Variants in NT5DC3 observed in about 807,000 individuals in gnomAD.
The protein encoded by NT5DC3 is 5'-nucleotidase domain containing 3, also known as 5'-nucleotidase domain-containing protein 3.
In NT5DC3, 42 loss-of-function variants were observed where a neutral mutation model predicts 67.8. The ratio of observed to expected loss-of-function variants is 0.62; its 90% CI spans 0.48 to 0.80. NT5DC3 has a LOEUF of 0.80. Among genes scored for constraint, NT5DC3 ranks in the 30% least tolerant of loss-of-function variants. The pLI, the probability that NT5DC3 is intolerant of heterozygous loss-of-function variation, is 0.00. For synonymous variants in NT5DC3, 237 were observed against 255.6 expected (o/e 0.93, Z 0.69); for missense variants, 570 against 696.4 (o/e 0.82, Z 2.04).
chr12:103,780,226 T>C (rs1399378484), intron 13 of NT5DC3, 74 bp downstream of exon 13: 1 of 1,280,704 alleles, frequency 7.8e-7, no homozygotes, highest in African/African-American at 1.5e-5. Context: ...AGGCTGGCCC[T>C]GGGGAACACA....
Position 103,785,486 on chromosome 12 carries a change from A to G in NT5DC3, c.1189-11T>C, listed in dbSNP as rs751219781. On this transcript the variant is annotated splice_polypyrimidine_tract_variant and intron_variant, in intron 11 of 13. Coordinates refer to ENST00000392876, the MANE Select transcript of NT5DC3 (RefSeq NM_001031701.3). The stretch of plus-strand genomic sequence containing the variant: ...CTTTAGGGTCAAATCCTGATCACAA[A>G]GATCACGAAAAGTCAACGTCAGTCT... 3 of 1,613,788 alleles carry G rather than the reference A, an allele frequency of 1.9e-6. No individual in the cohort carries two copies. Among genetic ancestry groups the G allele is most frequent in the Non-Finnish European group, 2.5e-6 (3 of 1,179,810 alleles).
chr12:103,757,787 T>G, the NT5DC3 span: 1 of 226,418 alleles, frequency 4.4e-6, no homozygotes, highest in Non-Finnish European at 9.1e-6. Flanking sequence ...AGGCCTGGGG[T>G]CAGAGATGCA....
chr12:103,779,137 GT>G (rs955378704), intron 13 of NT5DC3, among the ~76,000 whole-genome samples: 1 of 152,310 alleles, frequency 6.6e-6, no homozygotes, highest in African/African-American at 2.4e-5. Flanking sequence ...ATTAAAGATT[GT>G]TTTATGTGAT....
At chr12:103,789,489 T>G (rs1032320543) in intron 9 of NT5DC3, among the ~76,000 whole-genome samples, 1 of 152,086 alleles carries the variant, frequency 6.6e-6, no homozygotes, top group African/African-American at 2.4e-5. Flanking sequence ...GAAAACACCA[T>G]GCACTAAACA....
chr12:103,832,353 CA>C (rs1887968969), intron 1 of NT5DC3, among the ~76,000 whole-genome samples: 1 of 152,032 alleles, frequency 6.6e-6, no homozygotes, highest in African/African-American at 2.4e-5. Flanking sequence ...GTCTTACCTC[CA>C]CATTTTAGGA....
chr12:103,756,182 C>T, the NT5DC3 span, among the ~76,000 whole-genome samples: 1 of 152,194 alleles, frequency 6.6e-6, no homozygotes, highest in African/African-American at 2.4e-5. Flanking sequence ...GCCAAATTAA[C>T]ATGGAGTCAA....
chr12:103,755,511 C>A, the NT5DC3 span: 1 of 1,609,538 alleles, frequency 6.2e-7, no homozygotes, highest in Non-Finnish European at 8.5e-7. Context: ...CACACAGCTG[C>A]TGAGCAATCC....
intron 11 of NT5DC3, among the ~76,000 whole-genome samples, chr12:103,786,681 A>ATTTTGTTTTTT (rs1885791298): frequency 7.6e-6 from 1 of 132,366 alleles, no homozygotes; most frequent in Admixed American, 8.0e-5. Flanking sequence ...CACTGGTTTG[A>ATTTTGTTTTTT]TTTTTTTTTT....
chr12:103,803,867 C>CCG (rs1555262145), intron 4 of NT5DC3, among the ~76,000 whole-genome samples: 4 of 127,918 alleles, frequency 3.1e-5, no homozygotes, highest in African/African-American at 8.0e-5. Flanking sequence ...CCACCCCCCC[C>CCG]CCAAAAAAAT....
In NT5DC3 at chr12:103,780,300, C is replaced by T. The variant is rs767823782; in HGVS notation, c.1394G>A (p.Arg465Gln). The T allele has an allele frequency of 3.1e-6, 5 of 1,613,406 alleles. No homozygotes were observed. Among genetic ancestry groups the T allele is most frequent in the East Asian group, 2.2e-5 (1 of 44,890 alleles). The part of the protein sequence containing the change: ...QEWKKERKEM[R>Q]EMTKSFFNAQ... ...CACATTCAATACAGGCCTCTCTTAC[C>T]GCATCTCCTTCCTTTCCTTTTTCCA... Residue 465 changes from arginine (R) to glutamine (Q), a missense_variant and splice_region_variant, in exon 13 of 14, where the codon CGA (arginine) becomes CAA (glutamine). Physicochemically the swap from Arg to Gln is conservative, Grantham distance 43 (BLOSUM62 1). This residue lies in a region of NT5DC3 where 466 missense variants were observed against 608.0 expected (regional missense o/e 0.77). Transcript: ENST00000392876.
At chr12:103,799,486 A>G (rs1487747019) in intron 4 of NT5DC3, among the ~76,000 whole-genome samples, 7 of 152,114 alleles carry the variant, frequency 4.6e-5, no homozygotes, top group Non-Finnish European at 1.0e-4. Context: ...CCACCATGTA[A>G]AGCATGCCTT....
At chr12:103,761,648 G>A in the NT5DC3 span, among the ~76,000 whole-genome samples, 2 of 152,126 alleles carry the variant, frequency 1.3e-5, no homozygotes, top group East Asian at 3.9e-4. Flanking sequence ...TGAATGAAAG[G>A]GGGAGGATGG....
At chr12:103,804,561 A>T (rs549096319) in intron 4 of NT5DC3, among the ~76,000 whole-genome samples, 11 of 152,158 alleles carry the variant, frequency 7.2e-5, no homozygotes, top group East Asian at 1.9e-4. Flanking sequence ...TTTTTTTTTT[A>T]AAAAGTGACA....
At chr12:103,838,838 G>A (rs1888258869) in intron 1 of NT5DC3, among the ~76,000 whole-genome samples, 1 of 151,642 alleles carries the variant, frequency 6.6e-6, no homozygotes, top group Non-Finnish European at 1.5e-5. Flanking sequence ...ATTATACTTG[G>A]TGAAAAAAAA....
At chr12:103,831,111 C>T (rs1887905846) in intron 1 of NT5DC3, among the ~76,000 whole-genome samples, 1 of 152,174 alleles carries the variant, frequency 6.6e-6, no homozygotes, top group Non-Finnish European at 1.5e-5. Context: ...CAAATCTCTC[C>T]TTGAATTGTA....
rs1378294435 is a variant in NT5DC3, at chr12:103,829,094, A to G, written c.208+11855T>C. On this transcript the variant is annotated intron_variant, in intron 1 of 13. Transcript: ENST00000392876. ...TGTTTTAAAACCTTTTGTAATTGGT[A>G]TATGCCTGCAATACTTGCTTTTTCC... Among the ~76,000 whole-genome samples the G allele has an allele frequency of 2.6e-5, 4 of 152,234 alleles. No homozygotes were observed. The South Asian group carries it at 8.3e-4, about 31-fold the overall frequency.
intron 11 of NT5DC3, 121 bp downstream of exon 11, chr12:103,787,320 G>T: frequency 1.6e-5 from 7 of 447,250 alleles, no homozygotes; most frequent in Non-Finnish European, 2.7e-5. Context: ...AAAGCATAAA[G>T]ATGACCTTAA....
chr12:103,761,534 G>GCCTCCAA, the NT5DC3 span: 2 of 824,352 alleles, frequency 2.4e-6, no homozygotes, highest in Non-Finnish European at 3.8e-6. Flanking sequence ...GGAGCCTCCA[G>GCCTCCAA]CCTCCAACCT....
At chr12:103,805,832 C>T (rs1167335529) in intron 4 of NT5DC3, among the ~76,000 whole-genome samples, 4 of 120,766 alleles carry the variant, frequency 3.3e-5, no homozygotes, top group African/African-American at 6.4e-5. Context: ...GGCATCACAG[C>T]GAGACTCCAC....
Sources: allele counts gnomAD v4.1 joint callset (sites outside exome capture counted in the v4.1 genomes callset), GRCh38; gene constraint gnomAD v4.1.1; regional missense constraint gnomAD v4.1.1; transcripts MANE v1.5; gene names NCBI Gene and HGNC (gene_info 2026-07-23, HGNC 2026-07-21).